TNR: variants seen among roughly 807,000 people sequenced by gnomAD.
TNR encodes tenascin-R.
TNR carries 45 observed loss-of-function variants against 150.4 expected under a neutral mutation model. That is an observed-to-expected ratio of 0.30 (90% CI 0.24 to 0.38). The LOEUF (loss-of-function observed/expected upper bound fraction) is 0.38. TNR is among the 10% of genes least tolerant of loss of function. The pLI, the probability that TNR is intolerant of heterozygous loss-of-function variation, is 1.00. For synonymous variants in TNR, 687 were observed against 678.4 expected (o/e 1.01, Z -0.20); for missense variants, 1,544 against 1,759.1 (o/e 0.88, Z 2.19).
At chr1:175,671,911 C>CTGTG (rs35804880) in intron 1 of TNR, among the ~76,000 whole-genome samples, 1,667 of 142,104 alleles carry the variant, frequency 0.012, 11 homozygotes, top group African/African-American at 0.02. Context: ...TGAGCTGTAC[C>CTGTG]TGTGTGTGTG....
Position 175,393,810 on chromosome 1 carries a change from G to T in TNR, c.1326C>A (p.Phe442Leu). The change falls in exon 6 of 23, where the codon TTC (phenylalanine) becomes TTA (leucine). Residue 442 changes from phenylalanine (F) to leucine (L), a missense_variant. Phe to Leu is a conservative substitution (Grantham distance 22). Around this residue, in one of 2 missense-constraint regions of TNR, gnomAD observed 1,254 missense variants for 1,329.4 expected, o/e 0.94. Transcript: ENST00000367674. ...GAATGAAGCTGATTTCCCACCCATC[G>T]AAGGAAAATGAGAAGGGCTCCCACT... ...EVQWEPFSFS[F>L]DGWEISFIPK... 1 of 1,614,116 alleles carries T rather than the reference G, an allele frequency of 6.2e-7. No individual in the cohort carries two copies. Among genetic ancestry groups the T allele is most frequent in the Non-Finnish European group, 8.5e-7 (1 of 1,179,972 alleles).
chr1:175,337,758 T>G, intron 18 of TNR, 79 bp from the exon 19 acceptor site: 1 of 1,508,350 alleles, frequency 6.6e-7, no homozygotes, highest in Non-Finnish European at 9.0e-7. Flanking sequence ...ATAGAAGGTC[T>G]TAGCAGGCCT....
At chr1:175,696,244 T>C (rs934999290) in intron 1 of TNR, among the ~76,000 whole-genome samples, 7 of 142,940 alleles carry the variant, frequency 4.9e-5, no homozygotes, top group South Asian at 2.1e-4. Context: ...TTTTTTTTTT[T>C]CCAAAATTTA....
intron 1 of TNR, among the ~76,000 whole-genome samples, chr1:175,741,163 C>T (rs1394447801): frequency 1.3e-5 from 2 of 152,216 alleles, no homozygotes; most frequent in Non-Finnish European, 2.9e-5. Flanking sequence ...CAATGGGGAG[C>T]AATCCATTCC....
intron 1 of TNR, among the ~76,000 whole-genome samples, chr1:175,565,769 CTA>C (rs1267728706): frequency 1.3e-5 from 2 of 152,152 alleles, no homozygotes; most frequent in Non-Finnish European, 1.5e-5. Flanking sequence ...GAAAAATGAT[CTA>C]TGTGTCCAAT....
chr1:175,518,804 C>T (rs1206367666), intron 2 of TNR, among the ~76,000 whole-genome samples: 3 of 152,178 alleles, frequency 2.0e-5, no homozygotes, highest in Non-Finnish European at 4.4e-5. Flanking sequence ...TCACCTTCTC[C>T]TTTACAGCCA....
intron 1 of TNR, among the ~76,000 whole-genome samples, chr1:175,658,633 G>T (rs1421926470): frequency 6.6e-6 from 1 of 152,196 alleles, no homozygotes; most frequent in Non-Finnish European, 1.5e-5. Flanking sequence ...TCATGATCTG[G>T]CAATATATCT....
chr1:175,409,345 G>T (rs907524922), intron 2 of TNR, among the ~76,000 whole-genome samples: 1 of 152,136 alleles, frequency 6.6e-6, no homozygotes, highest in Admixed American at 6.5e-5. Flanking sequence ...CAAAATAAGT[G>T]AATGAATAAA....
At chr1:175,726,820 C>T (rs370349417) in intron 1 of TNR, among the ~76,000 whole-genome samples, 1 of 151,928 alleles carries the variant, frequency 6.6e-6, no homozygotes, top group Non-Finnish European at 1.5e-5. Flanking sequence ...TTATGAAATC[C>T]TTCAAAGTAA....
intron 1 of TNR, among the ~76,000 whole-genome samples, chr1:175,692,839 G>A (rs1200272837): frequency 6.6e-6 from 1 of 152,170 alleles, no homozygotes; most frequent in African/African-American, 2.4e-5. Flanking sequence ...GTTACACATT[G>A]TTATGTGAAC....
intron 1 of TNR, among the ~76,000 whole-genome samples, chr1:175,593,248 G>T (rs1048087608): frequency 6.6e-6 from 1 of 152,116 alleles, no homozygotes; most frequent in African/African-American, 2.4e-5. Context: ...TGTATGGAGA[G>T]CACTGATAGA....
chr1:175,632,048 G>T (rs1385303558), intron 1 of TNR, among the ~76,000 whole-genome samples: 6 of 152,206 alleles, frequency 3.9e-5, no homozygotes, highest in Non-Finnish European at 8.8e-5. Context: ...TACCATCAAA[G>T]TGCCCCAAGG....
chr1:175,649,532 C>A (rs527691155), intron 1 of TNR, among the ~76,000 whole-genome samples: 1 of 152,132 alleles, frequency 6.6e-6, no homozygotes, highest in African/African-American at 2.4e-5. Context: ...TGATGGAGCA[C>A]AGTACTCGCA....
At chr1:175,697,550 G>GC (rs1431885557) in intron 1 of TNR, among the ~76,000 whole-genome samples, 1 of 152,072 alleles carries the variant, frequency 6.6e-6, no homozygotes, top group African/African-American at 2.4e-5. Flanking sequence ...GGTTGACTAT[G>GC]CCTTCCACTT....
intron 1 of TNR, among the ~76,000 whole-genome samples, chr1:175,616,051 TG>T (rs1246027179): frequency 6.6e-6 from 1 of 152,218 alleles, no homozygotes; most frequent in African/African-American, 2.4e-5. Context: ...GAGAATGGCA[TG>T]TGCATAGGCT....
intron 10 of TNR, 65 bp from the exon 11 acceptor site, chr1:175,366,203 G>C (rs751283060): frequency 1.3e-5 from 20 of 1,484,618 alleles, no homozygotes; most frequent in Non-Finnish European, 1.8e-5. Flanking sequence ...TTATTGGCCT[G>C]CTTTGTGTGT....
intron 2 of TNR, among the ~76,000 whole-genome samples, chr1:175,416,830 A>G (rs1378389047): frequency 3.3e-5 from 5 of 152,102 alleles, no homozygotes. Flanking sequence ...AACACCGGGA[A>G]ACCCCGTCTC....
rs571734294 is a variant in TNR at position 175,458,167 on chromosome 1, A to G, written c.-63-51390T>C. 3.3e-5 allele frequency among the ~76,000 whole-genome samples: 5 copies of G among 152,354 alleles called. 1 individual carries two copies. Among genetic ancestry groups the G allele is most frequent in the African/African-American group, 9.6e-5 (4 of 41,586 alleles). On this transcript the variant is annotated intron_variant, in intron 2 of 22. Coordinates refer to ENST00000367674, the MANE Select transcript of TNR (RefSeq NM_003285.3). Reference sequence around the variant, plus strand: ...TGTAGCAGTAGTAGCAGTAAATGCTAGCTATTGTAGTAGTAGTAGCAGTAA... The same window carrying G: ...TGTAGCAGTAGTAGCAGTAAATGCTGGCTATTGTAGTAGTAGTAGCAGTAA...
Position 175,641,603 on chromosome 1 carries a change from C to A in TNR, c.-165+101623G>T, listed in dbSNP as rs147089935. 1.8e-3 allele frequency among the ~76,000 whole-genome samples: 267 copies of A among 152,266 alleles called. 1 individual carries two copies. The highest frequency in any genetic ancestry group is 3.8e-3 in the African/African-American group (156 of 41,558). On this transcript the variant is annotated intron_variant, in intron 1 of 22. Coordinates refer to ENST00000367674, the MANE Select transcript of TNR (RefSeq NM_003285.3). The stretch of plus-strand genomic sequence containing the variant: ...GAGGCTGCTCCACAGTGCAGTGACC[C>A]TCCTTACATATTTTTGTCTTTAGCT...
Sources: allele counts gnomAD v4.1 joint callset (sites outside exome capture counted in the v4.1 genomes callset), GRCh38; gene constraint gnomAD v4.1.1; regional missense constraint gnomAD v4.1.1; transcripts MANE v1.5; gene names NCBI Gene and HGNC (gene_info 2026-07-23, HGNC 2026-07-21).